ESCO2: variants seen among roughly 807,000 people sequenced by gnomAD.
The protein encoded by ESCO2 is establishment of sister chromatid cohesion N-acetyltransferase 2, also known as N-acetyltransferase ESCO2.
Under a neutral mutation model 61.7 loss-of-function variants are expected in ESCO2, and 51 were observed. The ratio of observed to expected loss-of-function variants is 0.83; its 90% CI spans 0.66 to 1.04. The LOEUF (loss-of-function observed/expected upper bound fraction) is 1.04. Ranked by LOEUF, ESCO2 falls within the 50% of genes least tolerant of loss-of-function variation. The probability of loss-of-function intolerance (pLI) is 0.00; values close to 1 mark genes in which losing one functional copy is unlikely to be tolerated. For missense variants in ESCO2, 692 were observed against 686.2 expected (o/e 1.01, Z -0.09); for synonymous variants, 230 against 238.2 (o/e 0.97, Z 0.32).
Position 27,776,565 on chromosome 8 carries a change from T to C in ESCO2, c.257T>C (p.Phe86Ser). Reference sequence around the variant, plus strand: ...AAATCTGCGCTCTCCACTGTATCTTTTTACAACCAAAATAAGTGGTACCTC... The same window carrying C: ...AAATCTGCGCTCTCCACTGTATCTTCTTACAACCAAAATAAGTGGTACCTC... ...PFKSALSTVS[F>S]YNQNKWYLNP... Residue 86 changes from phenylalanine (F) to serine (S), a missense_variant, in exon 3 of 11, where the codon TTT (phenylalanine) becomes TCT (serine). Transcript: ENST00000305188. 2.5e-6 allele frequency: 4 copies of C among 1,614,126 alleles called. No homozygotes were observed. Among genetic ancestry groups the C allele is most frequent in the Non-Finnish European group, 3.4e-6 (4 of 1,180,014 alleles).
At chr8:27,815,394 T>C (rs1460027092), downstream of ESCO2, among the ~76,000 whole-genome samples, 1 of 152,228 alleles carries the variant, frequency 6.6e-6, no homozygotes, top group Admixed American at 6.5e-5. Flanking sequence ...GGTGTCTCTA[T>C]GGTAGCCTTT....
At chr8:27,793,920 T>A (rs1805238122) in intron 9 of ESCO2, among the ~76,000 whole-genome samples, 1 of 152,202 alleles carries the variant, frequency 6.6e-6, no homozygotes, top group South Asian at 2.1e-4. Context: ...CCCCAGCCTC[T>A]GGCAACCACC....
intron 3 of ESCO2, chr8:27,779,472 TCTTTC>T (rs553566021): frequency 4.8e-4 from 73 of 152,382 alleles, no homozygotes; most frequent in African/African-American, 1.7e-3. Flanking sequence ...TCTAGAATGT[TCTTTC>T]CTTAGCTGCT....
At chr8:27,774,289 A>AC (rs1233645576), upstream of ESCO2, 3 of 152,078 alleles carry the variant, frequency 2.0e-5, no homozygotes, top group African/African-American at 2.4e-5. Flanking sequence ...CTTCAACTGG[A>AC]CCGAGAACTA....
intron 9 of ESCO2, among the ~76,000 whole-genome samples, chr8:27,797,084 T>C (rs1805313969): frequency 6.6e-6 from 1 of 152,130 alleles, no homozygotes; most frequent in South Asian, 2.1e-4. Context: ...TGCACTCCGC[T>C]CAGGGCAATA....
Position 27,776,935 on chromosome 8 carries a change from A to G in ESCO2, c.627A>G (p.Ala209=), listed in dbSNP as rs752931373. 1.2e-6 allele frequency: 2 copies of G among 1,613,562 alleles called. No individual in the cohort carries two copies. The highest frequency in any genetic ancestry group is 4.5e-5 in the East Asian group (2 of 44,880). The change falls in exon 3 of 11, where the codon GCA becomes GCG. Residue 209 remains alanine (A), a synonymous_variant. Coordinates refer to ENST00000305188, the MANE Select transcript of ESCO2 (RefSeq NM_001017420.3). ...IKPQVTLQGG[A]AFFVRKKSSL... ...CACAAGTTACACTCCAGGGTGGAGCAGCATTTTTTGTTAGAAAAAAATCTT... is the reference window on the plus strand; with the variant it reads ...CACAAGTTACACTCCAGGGTGGAGCGGCATTTTTTGTTAGAAAAAAATCTT...
chr8:27,815,560 G>C (rs751414925), downstream of ESCO2, among the ~76,000 whole-genome samples: 17 of 152,220 alleles, frequency 1.1e-4, no homozygotes, highest in Non-Finnish European at 1.9e-4. Flanking sequence ...CACATGGGCA[G>C]TGACTCTGTG....
chr8:27,812,289 AAC>A (rs1805702646), downstream of ESCO2: 1 of 146,342 alleles, frequency 6.8e-6, no homozygotes, highest in African/African-American at 2.6e-5. Flanking sequence ...GATTTTGTCA[AAC>A]ACTTTTTCGG....
chr8:27,777,243 T>C, intron 3 of ESCO2, 74 bp downstream of exon 3: 1 of 1,391,522 alleles, frequency 7.2e-7, no homozygotes, highest in Non-Finnish European at 9.8e-7. Context: ...TTGAATAAAA[T>C]TTTATTTTCT....
the ESCO2 span, among the ~76,000 whole-genome samples, chr8:27,817,676 G>C: frequency 5.3e-5 from 8 of 151,694 alleles, no homozygotes; most frequent in African/African-American, 1.9e-4. Context: ...TTACTTCTTT[G>C]GACTGTGTTC....
Position 27,777,492 on chromosome 8 carries a change from G to T in ESCO2, c.861+323G>T, listed in dbSNP as rs116760781. On this transcript the variant is annotated intron_variant, in intron 3 of 10. Coordinates refer to ENST00000305188, the MANE Select transcript of ESCO2 (RefSeq NM_001017420.3). ...TCTTGCATTTTTTGTAGAGGCTGGG[G>T]TTTCACCATGTTGCCCAGGCTGGTC... 2,051 of 206,854 alleles carry T rather than the reference G, an allele frequency of 9.9e-3. 45 individuals are homozygous for T. Among genetic ancestry groups the T allele is most frequent in the African/African-American group, 0.045 (1,897 of 42,068 alleles). The allele number at this position is 206,854 out of a possible 1,614,324, so 12.8% of individuals were successfully genotyped here. A position where few individuals can be genotyped will look rare whatever the true frequency, so the allele number is the denominator to read the frequency against.
At chr8:27,779,124 A>G (rs1804866689) in intron 3 of ESCO2, 1 of 152,292 alleles carries the variant, frequency 6.6e-6, no homozygotes, top group Non-Finnish European at 1.5e-5. Context: ...CCTCTCAGCC[A>G]GGCTGGTCTT....
At chr8:27,813,541 A>C (rs1805743754), downstream of ESCO2, among the ~76,000 whole-genome samples, 1 of 152,154 alleles carries the variant, frequency 6.6e-6, no homozygotes, top group South Asian at 2.1e-4. Context: ...AAGGTATACA[A>C]CTTGATGTTT....
upstream of ESCO2, among the ~76,000 whole-genome samples, chr8:27,773,260 T>A (rs992317814): frequency 3.3e-5 from 5 of 152,172 alleles, no homozygotes; most frequent in African/African-American, 1.2e-4. Flanking sequence ...CCTACTAACC[T>A]AACACTGCCA....
chr8:27,792,948 T>C (rs1183748783), intron 9 of ESCO2, 137 bp downstream of exon 9: 5 of 1,013,204 alleles, frequency 4.9e-6, no homozygotes, highest in Non-Finnish European at 2.8e-6. Flanking sequence ...AGTGGATAAT[T>C]GAAGTTATTT....
In ESCO2 at chr8:27,788,916, C is replaced by G. The variant is rs1477075006; in HGVS notation, c.1201C>G (p.Pro401Ala). ...SCGMIYTASN[P>A]EDEMQHVQHH... ...TGGTATGATATATACTGCTTCCAAC[C>G]CTGAAGATGAAATGCAGCATGTACA... Residue 401 changes from proline to alanine, a missense_variant, in exon 7 of 11, where the codon CCT (proline) becomes GCT (alanine). By Grantham distance (27) the Pro-to-Ala change is conservative. Coordinates refer to ENST00000305188, the MANE Select transcript of ESCO2 (RefSeq NM_001017420.3). 1 of 1,614,014 alleles carries G rather than the reference C, an allele frequency of 6.2e-7. No homozygotes were observed. Among genetic ancestry groups the G allele is most frequent in the Non-Finnish European group, 8.5e-7 (1 of 1,179,992 alleles).
intron 4 of ESCO2, among the ~76,000 whole-genome samples, chr8:27,781,874 A>G (rs985570070): frequency 6.6e-6 from 1 of 152,120 alleles, no homozygotes; most frequent in Non-Finnish European, 1.5e-5. Flanking sequence ...CTTTATTTGG[A>G]GTTCACCAAA....
Position 27,804,000 on chromosome 8 carries a change from TTAC to T in ESCO2, c.*563_*565del, listed in dbSNP as rs1267230800. The T allele has an allele frequency of 1.0e-6, 1 of 987,194 alleles. No homozygotes were observed. The highest frequency in any genetic ancestry group is 1.1e-4 in the East Asian group (1 of 8,894). The allele number at this position is 987,194 out of a possible 1,614,324, so 61.2% of individuals were successfully genotyped here. ...AAGCGATCCTCCCAAAACGCTGGGA[TTAC>T]AGTCATGAGCCACCGTGCCCAGCCT... is the stretch of plus-strand genomic sequence containing the variant. On this transcript the variant is annotated 3_prime_UTR_variant, in exon 11 of 11. Coordinates refer to ENST00000305188, the MANE Select transcript of ESCO2 (RefSeq NM_001017420.3).
chr8:27,797,345 G>C (rs1033686808), intron 9 of ESCO2, among the ~76,000 whole-genome samples: 7 of 152,066 alleles, frequency 4.6e-5, no homozygotes, highest in African/African-American at 1.7e-4. Context: ...TTTGTCTCTT[G>C]ATGGTTTTTG....
Sources: gnomAD v4.1 joint callset for allele counts (sites outside exome capture counted in the v4.1 genomes callset) on GRCh38, gnomAD v4.1.1 for gene constraint, MANE v1.5 for transcripts, NCBI Gene and HGNC (gene_info 2026-07-23, HGNC 2026-07-21) for gene names.